The following MCM7 variants were observed in gnomAD, a reference collection of about 807,000 sequenced individuals.
The protein encoded by MCM7 is minichromosome maintenance complex component 7.
In MCM7, 95 loss-of-function variants were observed where a neutral mutation model predicts 83.5. The observed-to-expected ratio is 1.14, with a 90% CI of 0.96 to 1.35. The LOEUF (loss-of-function observed/expected upper bound fraction) is 1.35, where lower values mean the gene tolerates loss of function less well. Ranked by LOEUF, MCM7 falls within the 40% of genes most tolerant of loss-of-function variation. MCM7 has a pLI of 0.00. For synonymous variants in MCM7, 461 were observed against 352.7 expected (o/e 1.31, Z -3.44); for missense variants, 1,087 against 957.4 (o/e 1.14, Z -1.79).
At chr7:100,094,061 T>A in intron 13 of MCM7, 112 bp downstream of exon 13, 1 of 1,363,372 alleles carries the variant, frequency 7.3e-7, no homozygotes, top group Non-Finnish European at 1.1e-6. Flanking sequence ...TGTCAGCACT[T>A]TAGCCCCGGC....
Position 100,099,470 on chromosome 7 carries a change from A to C in MCM7, c.277-67T>G. On this transcript the variant is annotated intron_variant, in intron 3 of 14. Transcript: ENST00000303887. ...GGATGGGGAAAGGAGAGCACAGAGA[A>C]CACCAGGCAGAAGTGCCCCTCCTTT... is the stretch of plus-strand genomic sequence containing the variant. The C allele has an allele frequency of 3.8e-6, 6 of 1,587,484 alleles. No individual in the cohort carries two copies. In the Admixed American group the frequency reaches 5.6e-5, roughly 15 times the overall value.
In MCM7 at chr7:100,097,161, C is replaced by T. The variant is rs115073631; in HGVS notation, c.1201+140G>A. The T allele has an allele frequency of 2.1e-5, 15 of 730,400 alleles. No individual in the cohort carries two copies. The East Asian group carries it at 3.0e-4, about 15-fold the overall frequency. 45.2% of individuals were successfully genotyped at this position (730,400 alleles called of 1,614,324 possible). On this transcript the variant is annotated intron_variant, in intron 10 of 14. Coordinates refer to ENST00000303887, the MANE Select transcript of MCM7 (RefSeq NM_005916.5). Reference sequence around the variant, plus strand: ...GACATGGAAGCGGTCTCAAAATCCTCGCCTCAAATGATTCTCCTGCCTCAG... The same window carrying T: ...GACATGGAAGCGGTCTCAAAATCCTTGCCTCAAATGATTCTCCTGCCTCAG...
Position 100,093,305 on chromosome 7 carries a change from C to T in MCM7, c.1945G>A (p.Gly649Arg), listed in dbSNP as rs1795418826. ...MSKDSLLGDK[G>R]QTARTQRPAD... Reference sequence around the variant, plus strand: ...TAAACCACTCACCTAGCTGTCTGCCCCTTGTCTCCTAGAAGAGAGTCCTTT... The same window carrying T: ...TAAACCACTCACCTAGCTGTCTGCCTCTTGTCTCCTAGAAGAGAGTCCTTT... The change falls in exon 14 of 15, where the codon GGG becomes AGG. Residue 649 changes from glycine (G) to arginine (R), a missense_variant. Physicochemically the swap from Gly to Arg is moderately radical, Grantham distance 125 (BLOSUM62 -2). Transcript: ENST00000303887. 1.2e-6 allele frequency: 2 copies of T among 1,613,716 alleles called. No individual in the cohort carries two copies. Among genetic ancestry groups the T allele is most frequent in the South Asian group, 1.1e-5 (1 of 91,082 alleles).
chr7:100,098,245 G>C lies in MCM7; in HGVS notation c.766C>G (p.Leu256Val). Residue 256 changes from leucine (L) to valine (V), a missense_variant, in exon 7 of 15, where the codon CTG (leucine) becomes GTG (valine). Physicochemically the swap from Leu to Val is conservative, Grantham distance 32. Transcript: ENST00000303887. Reference protein sequence around the residue: ...VGNIPRSITVLVEGENTRIAQ... With the variant: ...VGNIPRSITVVVEGENTRIAQ... ...ATCCTTGTGTTCTCTCCTTCTACCA[G>C]CACCGTGATACTACGAGGGATATTT... 1 of 1,614,078 alleles carries C rather than the reference G, an allele frequency of 6.2e-7. No individual in the cohort carries two copies. The highest frequency in any genetic ancestry group is 1.7e-5 in the Admixed American group (1 of 60,014).
intron 5 of MCM7, 124 bp from the exon 6 acceptor site, chr7:100,098,839 T>C (rs1795781197): frequency 7.1e-7 from 1 of 1,410,638 alleles, no homozygotes; most frequent in East Asian, 2.3e-5. Flanking sequence ...CCCTCTGAAC[T>C]TACTCTGGGT....
intron 5 of MCM7, 100 bp from the exon 6 acceptor site, chr7:100,098,815 G>T (rs957006085): frequency 7.3e-6 from 11 of 1,505,954 alleles, no homozygotes; most frequent in African/African-American, 6.9e-5. Context: ...CAGACATCTT[G>T]TAAGTGTCAA....
Position 100,099,702 on chromosome 7 carries a change from C to G in MCM7, c.163G>C (p.Val55Leu), listed in dbSNP as rs1336566233. ...QVALYVDLDD[V>L]AEDDPELVDS... is the part of the protein sequence containing the mutation. ...ACCAACTCGGGGTCATCCTCGGCTA[C>G]GTCGTCCAGGTCCACATACAGAGCC... is the stretch of plus-strand genomic sequence containing the variant. The change falls in exon 3 of 15, where the codon GTA (valine) becomes CTA (leucine). Residue 55 changes from valine (V) to leucine (L), a missense_variant. Transcript: ENST00000303887. 3 of 1,614,218 alleles carry G rather than the reference C, an allele frequency of 1.9e-6. No individual in the cohort carries two copies. Among genetic ancestry groups the G allele is most frequent in the Non-Finnish European group, 2.5e-6 (3 of 1,180,052 alleles).
chr7:100,099,926 T>C, intron 2 of MCM7, 88 bp downstream of exon 2: 2 of 1,441,866 alleles, frequency 1.4e-6, no homozygotes, highest in Non-Finnish European at 1.9e-6. Flanking sequence ...CCTCTAATTG[T>C]TATGTCTTTA....
At chr7:100,095,518 C>CT (rs1478126415) in intron 11 of MCM7, 48 bp from the exon 12 acceptor site, 11 of 1,562,150 alleles carry the variant, frequency 7.0e-6, no homozygotes, top group Non-Finnish European at 7.0e-6. Context: ...GGGCTACGCA[C>CT]CCATGTCCTC....
intron 1 of MCM7, chr7:100,100,427 G>A: frequency 4.9e-6 from 5 of 1,020,950 alleles, no homozygotes; most frequent in African/African-American, 1.7e-5. Context: ...ATGATCCCCC[G>A]CCTTCTTTGG....
In MCM7 at chr7:100,098,874, G is replaced by A. The variant is rs559420724; in HGVS notation, c.582+149C>T. On this transcript the variant is annotated intron_variant, in intron 5 of 14. Coordinates refer to ENST00000303887, the MANE Select transcript of MCM7 (RefSeq NM_005916.5). ...TCAACAACAAACACCCAGAAAATAG[G>A]TAGAAAGACCACTACATACCCAAGA... 7.8e-5 allele frequency: 104 copies of A among 1,336,814 alleles called. No homozygotes were observed. The African/African-American group carries it at 9.8e-4, about 13-fold the overall frequency. 82.8% of individuals were successfully genotyped at this position (1,336,814 alleles called of 1,614,324 possible). A position where few individuals can be genotyped will look rare whatever the true frequency, so the allele number is the denominator to read the frequency against.
In MCM7 at chr7:100,093,296, C is replaced by T; in HGVS notation, c.1954G>A (p.Ala652Thr). The T allele has an allele frequency of 1.2e-6, 2 of 1,613,170 alleles. No individual in the cohort carries two copies. The highest frequency in any genetic ancestry group is 1.1e-5 in the South Asian group (1 of 91,080). Reference sequence around the variant, plus strand: ...GTCCTTCACTAAACCACTCACCTAGCTGTCTGCCCCTTGTCTCCTAGAAGA... The same window carrying T: ...GTCCTTCACTAAACCACTCACCTAGTTGTCTGCCCCTTGTCTCCTAGAAGA... ...DSLLGDKGQT[A>T]RTQRPADVIF... The change falls in exon 14 of 15, where the codon GCT becomes ACT. Residue 652 changes from alanine to threonine, a missense_variant. Transcript: ENST00000303887.
At chr7:100,096,498 G>A (rs575454750) in intron 10 of MCM7, among the ~76,000 whole-genome samples, 14 of 152,332 alleles carry the variant, frequency 9.2e-5, no homozygotes, top group South Asian at 2.1e-4. Flanking sequence ...GAGGCCGGGC[G>A]CAGTGGCTAA....
intron 1 of MCM7, chr7:100,101,053 T>G: frequency 2.8e-6 from 2 of 705,348 alleles, no homozygotes; most frequent in Non-Finnish European, 4.6e-6. Context: ...CTTTACCAGG[T>G]GGGATTACTA....
chr7:100,092,946 T>G lies in MCM7; in HGVS notation c.2146A>C (p.Ile716Leu). ...VWQVNASRTR[I>L]TFV ...GCAGGCTGGAATCAGACAAAAGTGA[T>G]CCGTGTCCGGGAAGCATTGACCTGC... Residue 716 changes from isoleucine (I) to leucine (L), a missense_variant, in exon 15 of 15, where the codon ATC becomes CTC. By Grantham distance (5) the Ile-to-Leu change is conservative. Transcript: ENST00000303887. The G allele has an allele frequency of 6.2e-7, 1 of 1,614,178 alleles. No individual in the cohort carries two copies. The highest frequency in any genetic ancestry group is 8.5e-7 in the Non-Finnish European group (1 of 1,180,038).
intron 14 of MCM7, 37 bp downstream of exon 14, chr7:100,093,254 CA>C (rs747476367): frequency 6.2e-7 from 1 of 1,603,522 alleles, no homozygotes; most frequent in African/African-American, 1.3e-5. Context: ...CCACAGAAGA[CA>C]AAGTGACACA....
At chr7:100,097,057 C>T (rs1353074677) in intron 10 of MCM7, among the ~76,000 whole-genome samples, 4 of 152,246 alleles carry the variant, frequency 2.6e-5, no homozygotes, top group African/African-American at 4.8e-5. Context: ...ACCGAGATAG[C>T]GCCACTGCAC....
chr7:100,101,223 C>T, intron 1 of MCM7, 41 bp downstream of exon 1: 12 of 1,611,776 alleles, frequency 7.4e-6, no homozygotes, highest in Non-Finnish European at 1.0e-5. Flanking sequence ...CCCCGGGAGG[C>T]TCCCCGCGCA....
At position 100,098,625 on chromosome 7, in the gene MCM7, G is replaced by T. The variant is rs752275987; in HGVS notation, c.673C>A (p.Arg225=). ...TGGAATTTGATGAATCTGGAGCCCC[G>T]TGTCTGCAGATACAGCCGCCCTCCT... is the stretch of plus-strand genomic sequence containing the variant. The part of the protein sequence containing the change: ...RSGGRLYLQT[R]GSRFIKFQEM... The change falls in exon 6 of 15, where the codon CGG becomes AGG. Residue 225 remains arginine, a synonymous_variant. Transcript: ENST00000303887. 1.9e-6 allele frequency: 3 copies of T among 1,614,088 alleles called. No homozygotes were observed. The highest frequency in any genetic ancestry group is 2.5e-6 in the Non-Finnish European group (3 of 1,180,030).
Sources: allele counts gnomAD v4.1 joint callset (sites outside exome capture counted in the v4.1 genomes callset), GRCh38; gene constraint gnomAD v4.1.1; transcripts MANE v1.5; gene names NCBI Gene and HGNC (gene_info 2026-07-23, HGNC 2026-07-21).